Variants in CADPS observed in about 807,000 individuals in gnomAD.
The protein encoded by CADPS is calcium dependent secretion activator.
A neutral mutation model predicts 167.3 loss-of-function variants in CADPS; 57 were observed. The observed-to-expected ratio is 0.34, with a 90% CI of 0.28 to 0.42. The LOEUF is 0.42. Ranked by LOEUF, CADPS falls within the 20% of genes least tolerant of loss-of-function variation. The pLI is 1.00. For missense variants in CADPS, 1,414 were observed against 1,738.1 expected, an observed-to-expected ratio of 0.81 and a Z score of 3.32; for synonymous variants, 676 against 635.3, an observed-to-expected ratio of 1.06 and a Z score of -0.96.
rs114217949 is a variant in CADPS, at chr3:62,815,710, G to C, written c.442-49726C>G. On this transcript the variant is annotated intron_variant, in intron 1 of 29. Coordinates refer to ENST00000383710, the MANE Select transcript of CADPS (RefSeq NM_003716.4). ...CTTTTTGAGTTTCTAACTAAATCAAGGCAAAACAACTGATAGGGCTTTTAA... is the reference window on the plus strand; with the variant it reads ...CTTTTTGAGTTTCTAACTAAATCAACGCAAAACAACTGATAGGGCTTTTAA... Among the ~76,000 whole-genome samples the C allele has an allele frequency of 6.5e-3, 986 of 152,138 alleles. 13 individuals carry two copies. Among genetic ancestry groups the C allele is most frequent in the African/African-American group, 0.022 (921 of 41,512 alleles).
intron 3 of CADPS, among the ~76,000 whole-genome samples, chr3:62,694,175 A>G (rs1443768388): frequency 4.6e-5 from 7 of 152,244 alleles, no homozygotes; most frequent in African/African-American, 1.4e-4. Context: ...TGACACTCTT[A>G]GAAAATCTCT....
At chr3:62,402,553 A>T (rs1706761558) in intron 29 of CADPS, among the ~76,000 whole-genome samples, 1 of 152,224 alleles carries the variant, frequency 6.6e-6, no homozygotes, top group Non-Finnish European at 1.5e-5. Flanking sequence ...AGGGTATGTT[A>T]TCTCACCTTT....
intron 6 of CADPS, among the ~76,000 whole-genome samples, chr3:62,595,447 T>C (rs1032897973): frequency 1.3e-5 from 2 of 152,102 alleles, no homozygotes; most frequent in African/African-American, 4.8e-5. Context: ...ACTATGAAAT[T>C]TGGGGCAAGG....
intron 1 of CADPS, among the ~76,000 whole-genome samples, chr3:62,798,134 G>A (rs533101905): frequency 6.6e-6 from 1 of 152,104 alleles, no homozygotes; most frequent in African/African-American, 2.4e-5. Context: ...TAAACAATGT[G>A]ATGGCTAATA....
At chr3:62,835,832 A>G (rs1277885787) in intron 1 of CADPS, among the ~76,000 whole-genome samples, 1 of 152,232 alleles carries the variant, frequency 6.6e-6, no homozygotes, top group Non-Finnish European at 1.5e-5. Context: ...AAGAGAAAAC[A>G]GAAACTGAAA....
chr3:62,719,865 C>T (rs535994957), intron 3 of CADPS, among the ~76,000 whole-genome samples: 1 of 152,336 alleles, frequency 6.6e-6, no homozygotes, highest in East Asian at 1.9e-4. Context: ...TACACGACTA[C>T]TTCTGGCCTA....
intron 1 of CADPS, among the ~76,000 whole-genome samples, chr3:62,793,995 C>A (rs2093179020): frequency 1.3e-5 from 2 of 152,190 alleles, no homozygotes; most frequent in South Asian, 4.1e-4. Context: ...ACTCAATTAT[C>A]CCTCACCCTC....
Position 62,737,204 on chromosome 3 carries a change from T to C in CADPS, c.888+16237A>G, listed in dbSNP as rs2079150909. ...CCCCACAATCTAAGTAAATCAGTCA[T>C]ACAGGAAGCCAAGGTGGGAAGATCA... On this transcript the variant is annotated intron_variant, in intron 3 of 29. Transcript: ENST00000383710. Among the ~76,000 whole-genome samples the C allele has an allele frequency of 1.3e-5, 2 of 151,868 alleles. 1 individual carries two copies. Among genetic ancestry groups the C allele is most frequent in the African/African-American group, 4.8e-5 (2 of 41,320 alleles).
Position 62,583,149 on chromosome 3 carries a change from C to T in CADPS, c.1577+2036G>A, listed in dbSNP as rs977196782. Among the ~76,000 whole-genome samples, 10 of 91,784 alleles carry T rather than the reference C, an allele frequency of 1.1e-4. No homozygotes were observed. In the East Asian group the frequency reaches 2.7e-3, roughly 25 times the overall value. The allele number at this position is 91,784 out of a possible 152,430, so 60.2% of individuals were successfully genotyped here. On this transcript the variant is annotated intron_variant, in intron 8 of 29. Transcript: ENST00000383710. ...TTTTCTCTCTTTGATCTGCCCTACC[C>T]TCTTTGTCTCTCTCTCTCTCTCTCT... is the stretch of plus-strand genomic sequence containing the variant.
chr3:62,671,339 T>C (rs1349232397), intron 3 of CADPS, among the ~76,000 whole-genome samples: 1 of 152,018 alleles, frequency 6.6e-6, no homozygotes, highest in African/African-American at 2.4e-5. Context: ...GACTGTCCAA[T>C]TCACCTGCAC....
At position 62,556,395 on chromosome 3, in the gene CADPS, G is replaced by A. The variant is rs550306711; in HGVS notation, c.1753+1010C>T. Among the ~76,000 whole-genome samples, 3 of 152,318 alleles carry A rather than the reference G, an allele frequency of 2.0e-5. No homozygotes were observed. The East Asian group carries it at 5.8e-4, about 29-fold the overall frequency. On this transcript the variant is annotated intron_variant, in intron 10 of 29. Coordinates refer to ENST00000383710, the MANE Select transcript of CADPS (RefSeq NM_003716.4). ...TTTTACTAAGTGGGCTGGGCCCAAG[G>A]CCTTCCCTGCCACACCTTTTCAGGT...
chr3:62,697,486 T>A (rs1405519912), intron 3 of CADPS, among the ~76,000 whole-genome samples: 1 of 152,096 alleles, frequency 6.6e-6, no homozygotes, highest in Non-Finnish European at 1.5e-5. Flanking sequence ...TATACCACAA[T>A]TTATTTATCC....
At position 62,581,766 on chromosome 3, in the gene CADPS, C is replaced by T. The variant is rs1043470276; in HGVS notation, c.1577+3419G>A. On this transcript the variant is annotated intron_variant, in intron 8 of 29. Transcript: ENST00000383710. ...GTTTTTGGTCTGGGTATCTGGGTGTCGGGGGGGCATTTATTAAGATGGGAG... is the reference window on the plus strand; with the variant it reads ...GTTTTTGGTCTGGGTATCTGGGTGTTGGGGGGGCATTTATTAAGATGGGAG... 4.6e-5 allele frequency among the ~76,000 whole-genome samples: 7 copies of T among 151,918 alleles called. No homozygotes were observed. In the East Asian group the frequency reaches 5.8e-4, roughly 13 times the overall value.
intron 6 of CADPS, among the ~76,000 whole-genome samples, chr3:62,619,216 T>A (rs1172766256): frequency 6.6e-6 from 1 of 152,200 alleles, no homozygotes; most frequent in East Asian, 1.9e-4. Context: ...CTAATTTGTT[T>A]CCCTACAGTG....
intron 1 of CADPS, among the ~76,000 whole-genome samples, chr3:62,827,514 G>A (rs2074283722): frequency 6.6e-6 from 1 of 152,124 alleles, no homozygotes; most frequent in African/African-American, 2.4e-5. Flanking sequence ...AGGAAGGGGT[G>A]AAGTCAGGTT....
chr3:62,715,980 C>G (rs989947286), intron 3 of CADPS, among the ~76,000 whole-genome samples: 1 of 152,008 alleles, frequency 6.6e-6, no homozygotes, highest in East Asian at 1.9e-4. Context: ...CTCCTGACCT[C>G]ATGATCCACC....
chr3:62,453,781 A>G (rs1476194188), intron 26 of CADPS, among the ~76,000 whole-genome samples: 3 of 152,180 alleles, frequency 2.0e-5, no homozygotes, highest in African/African-American at 7.2e-5. Flanking sequence ...CATAGACAGC[A>G]TGATGGATTC....
chr3:62,587,377 G>T (rs1004441934), intron 7 of CADPS, among the ~76,000 whole-genome samples: 2 of 152,214 alleles, frequency 1.3e-5, no homozygotes, highest in Non-Finnish European at 2.9e-5. Flanking sequence ...GGAACTGCCT[G>T]TTCTTACACG....
chr3:62,554,487 T>C (rs529909066), intron 10 of CADPS, among the ~76,000 whole-genome samples: 2 of 152,190 alleles, frequency 1.3e-5, no homozygotes, highest in South Asian at 4.2e-4. Context: ...CACTGACAAT[T>C]TGGATAAAAC....
Sources: gnomAD v4.1 joint callset for allele counts (sites outside exome capture counted in the v4.1 genomes callset) on GRCh38, gnomAD v4.1.1 for gene constraint, MANE v1.5 for transcripts, NCBI Gene and HGNC (gene_info 2026-07-23, HGNC 2026-07-21) for gene names.